Variants in TAFA2 observed in about 807,000 individuals in gnomAD.
The protein encoded by TAFA2 is TAFA chemokine like family member 2.
TAFA2 carries 7 observed loss-of-function variants against 18.8 expected under a neutral mutation model. The ratio of observed to expected loss-of-function variants is 0.37; its 90% CI spans 0.21 to 0.70. TAFA2 has a LOEUF of 0.70. TAFA2 is among the 30% of genes least tolerant of loss of function. TAFA2 has a pLI of 0.53. For synonymous variants in TAFA2, 60 were observed against 54.2 expected, an observed-to-expected ratio of 1.11 and a Z score of -0.47; for missense variants, 122 against 158.1, an observed-to-expected ratio of 0.77 and a Z score of 1.23.
intron 1 of TAFA2, among the ~76,000 whole-genome samples, chr12:62,022,757 G>A (rs1430150571): frequency 6.6e-6 from 1 of 152,156 alleles, no homozygotes; most frequent in African/African-American, 2.4e-5. Flanking sequence ...CGTCAAGCAA[G>A]ACAGATAGTT....
intron 2 of TAFA2, among the ~76,000 whole-genome samples, chr12:61,805,006 TATTC>T (rs1287023160): frequency 6.6e-6 from 1 of 152,010 alleles, no homozygotes; most frequent in Non-Finnish European, 1.5e-5. Flanking sequence ...TTGCTATACT[TATTC>T]ATAATGAACA....
chr12:61,957,079 C>G (rs1195091552), intron 1 of TAFA2, among the ~76,000 whole-genome samples: 5 of 152,108 alleles, frequency 3.3e-5, no homozygotes, highest in African/African-American at 9.7e-5. Flanking sequence ...GTATCGCTGA[C>G]AGAGATGGCA....
intron 2 of TAFA2, among the ~76,000 whole-genome samples, chr12:61,815,192 G>T (rs1443008861): frequency 6.6e-6 from 1 of 151,410 alleles, no homozygotes; most frequent in East Asian, 1.9e-4. Flanking sequence ...AGGAAGATAG[G>T]CATTGGATTG....
intron 1 of TAFA2, among the ~76,000 whole-genome samples, chr12:62,170,897 A>G (rs2062473438): frequency 2.0e-5 from 3 of 152,150 alleles, no homozygotes; most frequent in Admixed American, 2.0e-4. Flanking sequence ...GCTTATTGTT[A>G]TGTCTCTAAC....
intron 1 of TAFA2, among the ~76,000 whole-genome samples, chr12:61,868,430 C>A (rs1874449440): frequency 6.6e-6 from 1 of 152,194 alleles, no homozygotes; most frequent in African/African-American, 2.4e-5. Flanking sequence ...CACCCTGTGA[C>A]TTTCCGATTC....
intron 4 of TAFA2, 132 bp downstream of exon 4, chr12:61,753,490 A>C (rs1869115535): frequency 1.3e-6 from 1 of 784,074 alleles, no homozygotes; most frequent in East Asian, 2.7e-5. Context: ...ACTAAGAAAA[A>C]AATGGGGAAA....
intron 2 of TAFA2, among the ~76,000 whole-genome samples, chr12:61,779,985 G>A (rs1385856037): frequency 6.6e-6 from 1 of 151,836 alleles, no homozygotes; most frequent in Non-Finnish European, 1.5e-5. Flanking sequence ...CTAACCAGAA[G>A]TGTAAGTCAT....
At chr12:61,990,484 T>C (rs1243898325) in intron 1 of TAFA2, among the ~76,000 whole-genome samples, 3 of 151,600 alleles carry the variant, frequency 2.0e-5, no homozygotes, top group African/African-American at 7.3e-5. Flanking sequence ...GGACTACAGG[T>C]GCCCGCCACC....
At chr12:61,828,318 A>T (rs1037797486) in intron 2 of TAFA2, among the ~76,000 whole-genome samples, 1 of 151,896 alleles carries the variant, frequency 6.6e-6, no homozygotes, top group African/African-American at 2.4e-5. Context: ...CCATTTTGTT[A>T]CTTGCTGTTT....
chr12:62,036,416 G>T (rs1354018818), intron 1 of TAFA2, among the ~76,000 whole-genome samples: 1 of 152,184 alleles, frequency 6.6e-6, no homozygotes, highest in East Asian at 1.9e-4. Context: ...GAGAAAGCAG[G>T]TTGGTAGGTC....
At chr12:61,893,174 C>T (rs1023499462) in intron 1 of TAFA2, among the ~76,000 whole-genome samples, 5 of 152,104 alleles carry the variant, frequency 3.3e-5, no homozygotes, top group Non-Finnish European at 7.4e-5. Flanking sequence ...AATGCTCAAC[C>T]GAGTCCAAAG....
chr12:62,022,364 T>C (rs1258126293), intron 1 of TAFA2, among the ~76,000 whole-genome samples: 1 of 152,146 alleles, frequency 6.6e-6, no homozygotes, highest in Admixed American at 6.5e-5. Flanking sequence ...TGTATATAAT[T>C]ATATGTAATG....
In TAFA2 at chr12:62,107,060, T is replaced by C. The variant is rs1418795225; in HGVS notation, c.-2+84199A>G. Among the ~76,000 whole-genome samples, 87 of 152,220 alleles carry C rather than the reference T, an allele frequency of 5.7e-4. 2 individuals carry two copies. Among genetic ancestry groups the C allele is most frequent in the Admixed American group, 5.7e-3 (87 of 15,276 alleles). ...ACGCAGAGTTTTGATTTCATTTTCT[T>C]ATATTGTTAAGATTCACTTCTATCT... On this transcript the variant is annotated intron_variant, in intron 1 of 4. Coordinates refer to ENST00000416284, the MANE Select transcript of TAFA2 (RefSeq NM_178539.5).
At chr12:62,141,116 C>T (rs2136907286) in intron 1 of TAFA2, among the ~76,000 whole-genome samples, 1 of 152,268 alleles carries the variant, frequency 6.6e-6, no homozygotes, top group East Asian at 1.9e-4. Context: ...GTAAATTGTC[C>T]AAGGTTACCA....
At chr12:62,184,484 C>G (rs2062571794) in intron 1 of TAFA2, among the ~76,000 whole-genome samples, 1 of 74,498 alleles carries the variant, frequency 1.3e-5, no homozygotes, top group Admixed American at 1.3e-4. Flanking sequence ...GGTCTGAACA[C>G]ACGGGAAAAA....
At chr12:61,768,684 T>G (rs1869894000) in intron 2 of TAFA2, among the ~76,000 whole-genome samples, 1 of 151,938 alleles carries the variant, frequency 6.6e-6, no homozygotes, top group South Asian at 2.1e-4. Context: ...GCACTCTCGG[T>G]CCCCAGGGAA....
chr12:61,963,060 CT>C (rs1565697850), intron 1 of TAFA2, among the ~76,000 whole-genome samples: 1 of 151,904 alleles, frequency 6.6e-6, no homozygotes, highest in African/African-American at 2.4e-5. Flanking sequence ...TGAACTCATC[CT>C]TTTTTATGGC....
chr12:61,711,951 A>T (rs994616231), intron 4 of TAFA2, among the ~76,000 whole-genome samples: 2 of 152,104 alleles, frequency 1.3e-5, no homozygotes, highest in African/African-American at 4.8e-5. Context: ...AGGAGTCATC[A>T]TATACAATTT....
chr12:62,033,684 TTA>T (rs144821417), intron 1 of TAFA2, among the ~76,000 whole-genome samples: 4 of 151,100 alleles, frequency 2.6e-5, no homozygotes, highest in Non-Finnish European at 4.4e-5. Flanking sequence ...CATAAACATG[TTA>T]TATATATATA....
Sources: gnomAD v4.1 joint callset for allele counts (sites outside exome capture counted in the v4.1 genomes callset) on GRCh38, gnomAD v4.1.1 for gene constraint, MANE v1.5 for transcripts, NCBI Gene and HGNC (gene_info 2026-07-23, HGNC 2026-07-21) for gene names.